The following RAB35 variants were observed in gnomAD, a reference collection of about 807,000 sequenced individuals.
The protein encoded by RAB35 is RAB35, member RAS oncogene family.
In RAB35, 4 loss-of-function variants were observed where a neutral mutation model predicts 28.9. The ratio of observed to expected loss-of-function variants is 0.14; its 90% CI spans 0.07 to 0.32. The LOEUF (loss-of-function observed/expected upper bound fraction) is 0.32, where lower values mean the gene tolerates loss of function less well. RAB35 is among the 10% of genes least tolerant of loss of function. The pLI is 1.00. For missense variants in RAB35, 128 were observed against 274.0 expected, an observed-to-expected ratio of 0.47 and a Z score of 3.76; for synonymous variants, 99 against 105.1, an observed-to-expected ratio of 0.94 and a Z score of 0.35.
intron 5 of RAB35, among the ~76,000 whole-genome samples, chr12:120,098,047 C>A (rs1396272571): frequency 6.6e-6 from 1 of 152,050 alleles, no homozygotes; most frequent in African/African-American, 2.4e-5. Context: ...CCACGCCCGG[C>A]TAATTTTTTT....
chr12:120,103,791 G>A lies in RAB35; in HGVS notation c.227+35C>T. 5 of 1,611,302 alleles carry A rather than the reference G, an allele frequency of 3.1e-6. No individual in the cohort carries two copies. The highest frequency in any genetic ancestry group is 4.2e-6 in the Non-Finnish European group (5 of 1,178,648). ...GCTCAACTGTGTCCACAGGTCAGTG[G>A]CGCGGGTTGGGTGGGAGTGGGCGTG... On this transcript the variant is annotated intron_variant, in intron 3 of 5. Coordinates refer to ENST00000229340, the MANE Select transcript of RAB35 (RefSeq NM_006861.7). The surrounding 1 kb of genome is among the most constrained non-coding windows in gnomAD (Gnocchi z 6.1).
At chr12:120,102,385 C>G (rs1023911736) in intron 3 of RAB35, among the ~76,000 whole-genome samples, 5 of 152,228 alleles carry the variant, frequency 3.3e-5, no homozygotes, top group African/African-American at 4.8e-5. Context: ...CAGCCCTGCC[C>G]CAGTGTCCTC....
chr12:120,112,727 A>AT (rs1158546417), intron 1 of RAB35, among the ~76,000 whole-genome samples: 1 of 107,016 alleles, frequency 9.3e-6, no homozygotes, highest in Non-Finnish European at 2.1e-5. Context: ...CCGTGCCTGG[A>AT]CCTTTTTTTT....
chr12:120,104,222 G>A (rs1396093024), intron 2 of RAB35, among the ~76,000 whole-genome samples: 1 of 152,214 alleles, frequency 6.6e-6, no homozygotes, highest in Non-Finnish European at 1.5e-5. Flanking sequence ...CACGGGATGG[G>A]ACTGGCGGGA....
chr12:120,101,533 C>T (rs1453549691), intron 3 of RAB35, among the ~76,000 whole-genome samples: 1 of 152,200 alleles, frequency 6.6e-6, no homozygotes, highest in Admixed American at 6.5e-5. Context: ...CGCCCTGCAT[C>T]GGAAAAAAGT....
Position 120,096,186 on chromosome 12 carries a change from C to T in RAB35, c.*1059G>A, listed in dbSNP as rs1166612288. The T allele has an allele frequency of 2.0e-5, 7 of 355,926 alleles. No homozygotes were observed. Among genetic ancestry groups the T allele is most frequent in the African/African-American group, 6.4e-5 (3 of 46,612 alleles). The allele number at this position is 355,926 out of a possible 1,614,324, so 22.0% of individuals were successfully genotyped here. ...CGAGGCTGCAGTGTAGACTCCTGAC[C>T]TCCAGTGGGAGGCAACTCGGACAAG... On this transcript the variant is annotated 3_prime_UTR_variant, in exon 6 of 6. Coordinates refer to ENST00000229340, the MANE Select transcript of RAB35 (RefSeq NM_006861.7).
chr12:120,106,190 G>C (rs1018870171), intron 2 of RAB35, among the ~76,000 whole-genome samples: 1 of 152,212 alleles, frequency 6.6e-6, no homozygotes, highest in Non-Finnish European at 1.5e-5. Flanking sequence ...ACTGAACACA[G>C]ATTGGGATGG....
At chr12:120,106,902 TA>T (rs1875904853) in intron 2 of RAB35, among the ~76,000 whole-genome samples, 1 of 150,032 alleles carries the variant, frequency 6.7e-6, no homozygotes, top group Non-Finnish European at 1.5e-5. Flanking sequence ...AATCACTTTC[TA>T]AAGGCAGCCC....
intron 1 of RAB35, among the ~76,000 whole-genome samples, chr12:120,111,153 C>T (rs1382121818): frequency 6.6e-6 from 1 of 152,250 alleles, no homozygotes; most frequent in Non-Finnish European, 1.5e-5. Flanking sequence ...TCTGCCTAAA[C>T]GAACGCCCGC....
At chr12:120,109,774 G>T (rs891008087) in intron 1 of RAB35, among the ~76,000 whole-genome samples, 1 of 151,806 alleles carries the variant, frequency 6.6e-6, no homozygotes, top group Non-Finnish European at 1.5e-5. Context: ...AAAGCGCTGG[G>T]ATTACAGGCA....
At chr12:120,101,254 C>T (rs536138082) in intron 3 of RAB35, among the ~76,000 whole-genome samples, 166 of 152,330 alleles carry the variant, frequency 1.1e-3, no homozygotes, top group Middle Eastern at 3.4e-3. Context: ...CTGCAGCCAC[C>T]TGATCCAGCA....
intron 2 of RAB35, among the ~76,000 whole-genome samples, chr12:120,106,991 T>G (rs1875907228): frequency 6.6e-6 from 1 of 151,878 alleles, no homozygotes; most frequent in Admixed American, 6.6e-5. Flanking sequence ...GAACCTGATT[T>G]TTTTTGTTGT....
chr12:120,099,375 A>C, intron 3 of RAB35: 1 of 601,932 alleles, frequency 1.7e-6, no homozygotes, highest in Non-Finnish European at 2.9e-6. Flanking sequence ...GGGCACCAAC[A>C]GGGCGGGAGG....
Position 120,095,898 on chromosome 12 carries a change from G to A in RAB35, c.*1347C>T, listed in dbSNP as rs949988541. ...GGAAACACATCCTGGTGTTAAACTCGGTTCTTCCCAGGTCACTTGATCCCT... is the reference window on the plus strand; with the variant it reads ...GGAAACACATCCTGGTGTTAAACTCAGTTCTTCCCAGGTCACTTGATCCCT... On this transcript the variant is annotated 3_prime_UTR_variant, in exon 6 of 6. Coordinates refer to ENST00000229340, the MANE Select transcript of RAB35 (RefSeq NM_006861.7). 34 of 154,052 alleles carry A rather than the reference G, an allele frequency of 2.2e-4. No homozygotes were observed. Among genetic ancestry groups the A allele is most frequent in the Non-Finnish European group, 4.0e-4 (28 of 69,386 alleles). 9.5% of individuals were successfully genotyped at this position (154,052 alleles called of 1,614,324 possible).
intron 3 of RAB35, among the ~76,000 whole-genome samples, chr12:120,099,885 G>C (rs575778686): frequency 6.6e-6 from 1 of 150,450 alleles, no homozygotes; most frequent in Non-Finnish European, 1.5e-5. Flanking sequence ...AGGAGGAGGG[G>C]GACCACAGCC....
intron 1 of RAB35, among the ~76,000 whole-genome samples, chr12:120,114,354 A>C (rs559530376): frequency 6.6e-6 from 1 of 152,346 alleles, no homozygotes; most frequent in African/African-American, 2.4e-5. Flanking sequence ...TGGCCTCCCA[A>C]AGTGATGGGA....
chr12:120,111,086 T>A (rs1290183307), intron 1 of RAB35, among the ~76,000 whole-genome samples: 1 of 152,228 alleles, frequency 6.6e-6, no homozygotes, highest in Non-Finnish European at 1.5e-5. Flanking sequence ...GCATTCACAG[T>A]GCTGTAAGCC....
At chr12:120,116,381 TG>T (rs1353816229) in intron 1 of RAB35, among the ~76,000 whole-genome samples, 1 of 152,036 alleles carries the variant, frequency 6.6e-6, no homozygotes, top group Non-Finnish European at 1.5e-5. Flanking sequence ...ACAGGCGCGA[TG>T]ACTGGACCCG....
chr12:120,102,220 T>C (rs1875688206), intron 3 of RAB35, among the ~76,000 whole-genome samples: 1 of 152,196 alleles, frequency 6.6e-6, no homozygotes, highest in Admixed American at 6.5e-5. Context: ...GTCACAGGTC[T>C]CTCTACCGGG....
Sources: gnomAD v4.1 joint callset for allele counts (sites outside exome capture counted in the v4.1 genomes callset) on GRCh38, gnomAD v4.1.1 for gene constraint, Gnocchi (gnomAD v3.1) non-coding constraint, MANE v1.5 for transcripts, NCBI Gene and HGNC (gene_info 2026-07-23, HGNC 2026-07-21) for gene names.